PCDHA3: variants seen among roughly 807,000 people sequenced by gnomAD.
PCDHA3 encodes protocadherin alpha-3.
PCDHA3 carries 41 observed loss-of-function variants against 62.2 expected under a neutral mutation model. The observed-to-expected ratio is 0.66, with a 90% CI of 0.51 to 0.86. The LOEUF is 0.86. Ranked by LOEUF, PCDHA3 falls within the 40% of genes least tolerant of loss-of-function variation. The probability of loss-of-function intolerance (pLI) is 0.00; values close to 1 mark genes in which losing one functional copy is unlikely to be tolerated. For synonymous variants in PCDHA3, 640 were observed against 555.4 expected (o/e 1.15, Z -2.14); for missense variants, 1,304 against 1,241.2 (o/e 1.05, Z -0.76).
At chr5:140,823,630 A>G in intron 1 of PCDHA3, 2 of 1,614,062 alleles carry the variant, frequency 1.2e-6, no homozygotes, top group Non-Finnish European at 1.7e-6. Context: ...CAGTGCGCGC[A>G]TCCCGTTCCG....
chr5:140,818,874 C>T (rs1462838242), intron 1 of PCDHA3, among the ~76,000 whole-genome samples: 5 of 152,164 alleles, frequency 3.3e-5, no homozygotes, highest in African/African-American at 1.2e-4. Context: ...AAAAAAGATG[C>T]CTGAGATTGC....
rs2150401369 is a variant in PCDHA3, at chr5:140,847,510, G to A, written c.2394+43919G>A. On this transcript the variant is annotated intron_variant, in intron 1 of 3. Transcript: ENST00000522353. The stretch of plus-strand genomic sequence containing the variant: ...GTAAAACTCACAACAAAACTTTGTA[G>A]AACTTAGTCAGGAAAAGAATCTCAA... The A allele has an allele frequency of 4.2e-4, 63 of 149,756 alleles. 2 individuals carry two copies. Among genetic ancestry groups the A allele is most frequent in the African/African-American group, 1.5e-3 (63 of 41,018 alleles). The allele number at this position is 149,756 out of a possible 1,614,324, so 9.3% of individuals were successfully genotyped here.
At position 140,870,714 on chromosome 5, in the gene PCDHA3, C is replaced by A. The variant is rs2052324296; in HGVS notation, c.2394+67123C>A. On this transcript the variant is annotated intron_variant, in intron 1 of 3. Transcript: ENST00000522353. ...TGCTACAGTTCCAGGTGAGCGCGCG[C>A]GATGCGGGCGTGCCGCCTCTGAGCA... 6 of 1,612,992 alleles carry A rather than the reference C, an allele frequency of 3.7e-6. No individual in the cohort carries two copies. The African/African-American group carries it at 4.0e-5, about 11-fold the overall frequency.
At position 140,801,785 on chromosome 5, in the gene PCDHA3, G is replaced by GA. The variant is rs782411180; in HGVS notation, c.596dup (p.Asn199LysfsTer9). ...AAATTAAATCCCTTGGACTCGTGTT[G>GA]AAAAAAAATTTAAATCGAGAGGACA... On this transcript the variant is annotated frameshift_variant, in exon 1 of 4. Coordinates refer to ENST00000522353, the MANE Select transcript of PCDHA3 (RefSeq NM_018906.3). LOFTEE classifies it high-confidence loss of function. The GA allele has an allele frequency of 1.9e-5, 31 of 1,613,196 alleles. No homozygotes were observed. The highest frequency in any genetic ancestry group is 2.5e-5 in the Non-Finnish European group (30 of 1,179,844).
At chr5:140,882,993 T>G (rs1554176415) in intron 1 of PCDHA3, 2 of 1,614,080 alleles carry the variant, frequency 1.2e-6, no homozygotes, top group Non-Finnish European at 1.7e-6. Flanking sequence ...GCCCCGGAAT[T>G]TTACCAATCC....
At chr5:140,959,676 A>G (rs2095505288) in intron 1 of PCDHA3, among the ~76,000 whole-genome samples, 1 of 152,246 alleles carries the variant, frequency 6.6e-6, no homozygotes, top group Non-Finnish European at 1.5e-5. Flanking sequence ...AATCATTTCT[A>G]AATAATTTCA....
chr5:141,007,831 C>T (rs1347788424), intron 3 of PCDHA3, among the ~76,000 whole-genome samples: 2 of 152,296 alleles, frequency 1.3e-5, no homozygotes, highest in East Asian at 3.9e-4. Context: ...CAAGTAGCTA[C>T]CCATTAGAGA....
chr5:140,912,395 T>C (rs782718158), intron 1 of PCDHA3, among the ~76,000 whole-genome samples: 10 of 152,138 alleles, frequency 6.6e-5, no homozygotes, highest in Non-Finnish European at 1.5e-4. Flanking sequence ...CTTAATTTGA[T>C]TCTCAGCTTG....
chr5:140,824,062 C>T (rs2150131839), intron 1 of PCDHA3: 2 of 1,614,200 alleles, frequency 1.2e-6, no homozygotes, highest in African/African-American at 1.3e-5. Flanking sequence ...TGGGGAAGCT[C>T]CACCCAAAAC....
chr5:140,935,870 T>C (rs1486682424), intron 1 of PCDHA3, among the ~76,000 whole-genome samples: 1 of 151,620 alleles, frequency 6.6e-6, no homozygotes, highest in East Asian at 1.9e-4. Context: ...TAGCAATTAA[T>C]GAGCTCCAAT....
rs376943163 is a variant in PCDHA3 at position 140,883,718 on chromosome 5, G to C, written c.2394+80127G>C. On this transcript the variant is annotated intron_variant, in intron 1 of 3. Coordinates refer to ENST00000522353, the MANE Select transcript of PCDHA3 (RefSeq NM_018906.3). The stretch of plus-strand genomic sequence containing the variant: ...CACGGTGTCTGCTCAGGACGCGGAC[G>C]CACAGGAGAACGCGCTGGTCTCCTA... The C allele has an allele frequency of 5.0e-5, 81 of 1,613,524 alleles. No homozygotes were observed. Among genetic ancestry groups the C allele is most frequent in the Non-Finnish European group, 6.4e-5 (75 of 1,179,854 alleles).
chr5:140,929,118 A>T, intron 1 of PCDHA3: 2 of 1,614,150 alleles, frequency 1.2e-6, no homozygotes, highest in Non-Finnish European at 1.7e-6. Context: ...CAGCCACCAT[A>T]GATGTCACTA....
At position 140,848,667 on chromosome 5, in the gene PCDHA3, G is replaced by C; in HGVS notation, c.2394+45076G>C. 6.3e-7 allele frequency: 1 copy of C among 1,592,344 alleles called. No homozygotes were observed. On this transcript the variant is annotated intron_variant, in intron 1 of 3. Transcript: ENST00000522353. ...GCAGGACCTGGGGCTGGAGCTGGCG[G>C]AGCTGGTGCCGCGCCTGTTCCAGTT...
chr5:140,878,600 A>G (rs2153362487), intron 1 of PCDHA3, among the ~76,000 whole-genome samples: 1 of 152,320 alleles, frequency 6.6e-6, no homozygotes, highest in East Asian at 1.9e-4. Context: ...TACCAAGTGA[A>G]TCTTCTAATG....
rs374697403 is a variant in PCDHA3 at position 140,805,171 on chromosome 5, A to C, written c.2394+1580A>C. 5.5e-5 allele frequency: 84 copies of C among 1,514,604 alleles called. No homozygotes were observed. In the East Asian group the frequency reaches 9.4e-4, roughly 17 times the overall value. The allele number at this position is 1,514,604 out of a possible 1,614,324, so 93.8% of individuals were successfully genotyped here. On this transcript the variant is annotated intron_variant, in intron 1 of 3. Coordinates refer to ENST00000522353, the MANE Select transcript of PCDHA3 (RefSeq NM_018906.3). ...GAATTTTCACTTCACAGATGTACTGATGCTATGCCAAATAAATATTGAATA... is the reference window on the plus strand; with the variant it reads ...GAATTTTCACTTCACAGATGTACTGCTGCTATGCCAAATAAATATTGAATA...
At chr5:140,849,522 G>A in intron 1 of PCDHA3, 2 of 1,597,478 alleles carry the variant, frequency 1.3e-6, no homozygotes, top group Middle Eastern at 1.7e-4. Context: ...AGTTGTGGAT[G>A]TAAATGACAA....
At chr5:140,927,889 G>T (rs1554205185) in intron 1 of PCDHA3, 1 of 1,614,226 alleles carries the variant, frequency 6.2e-7, no homozygotes, top group Non-Finnish European at 8.5e-7. Context: ...GGTGACTGAC[G>T]TGAACGATCA....
At chr5:140,973,398 C>G (rs2096585734) in intron 1 of PCDHA3, among the ~76,000 whole-genome samples, 1 of 152,230 alleles carries the variant, frequency 6.6e-6, no homozygotes, top group East Asian at 1.9e-4. Flanking sequence ...GAAATCATAT[C>G]TATGAGCTTC....
At chr5:140,967,681 G>A (rs367838143) in intron 1 of PCDHA3, 12 of 1,614,086 alleles carry the variant, frequency 7.4e-6, no homozygotes, top group Non-Finnish European at 9.3e-6. Flanking sequence ...ACCGGGAGAG[G>A]CAGCTCTTCA....
Sources: gnomAD v4.1 joint callset for allele counts (sites outside exome capture counted in the v4.1 genomes callset) on GRCh38, gnomAD v4.1.1 for gene constraint, MANE v1.5 for transcripts, NCBI Gene and HGNC (gene_info 2026-07-23, HGNC 2026-07-21) for gene names.